The following FOXP1 variants were observed in gnomAD, a reference collection of about 807,000 sequenced individuals.
The protein encoded by FOXP1 is forkhead box protein P1.
In FOXP1, 15 loss-of-function variants were observed where a neutral mutation model predicts 98.2. The observed-to-expected ratio is 0.15, with a 90% CI of 0.10 to 0.24. FOXP1 has a LOEUF of 0.24. Ranked by LOEUF, FOXP1 falls within the 10% of genes least tolerant of loss-of-function variation. The pLI, the probability that FOXP1 is intolerant of heterozygous loss-of-function variation, is 1.00. For synonymous variants in FOXP1, 371 were observed against 314.5 expected (o/e 1.18, Z -1.90); for missense variants, 633 against 848.5 (o/e 0.75, Z 3.15).
intron 3 of FOXP1, among the ~76,000 whole-genome samples, chr3:71,363,390 A>C (rs2078704861): frequency 2.0e-5 from 3 of 152,242 alleles, no homozygotes; most frequent in Non-Finnish European, 4.4e-5. Flanking sequence ...ATGTCACTGC[A>C]TGCAACATTT....
chr3:71,114,477 T>C (rs1282598696), intron 6 of FOXP1, among the ~76,000 whole-genome samples: 1 of 152,176 alleles, frequency 6.6e-6, no homozygotes, highest in Non-Finnish European at 1.5e-5. Flanking sequence ...TTTAAGACAC[T>C]GCGTAAGGTT....
At chr3:71,499,395 T>TTATACACACACATAATATACGTATGTA (rs2041161368) in intron 2 of FOXP1, among the ~76,000 whole-genome samples, 3 of 152,234 alleles carry the variant, frequency 2.0e-5, no homozygotes, top group Non-Finnish European at 2.9e-5. Context: ...AATGGCAATT[T>TTATACACACACATAATATACGTATGTA]TATACACACA....
intron 5 of FOXP1, among the ~76,000 whole-genome samples, chr3:71,266,324 A>G (rs1387451211): frequency 6.6e-6 from 1 of 151,972 alleles, no homozygotes; most frequent in Non-Finnish European, 1.5e-5. Flanking sequence ...ATCTCAGCTC[A>G]CTGCAACCTC....
chr3:71,015,881 A>G (rs1219743051), intron 11 of FOXP1, among the ~76,000 whole-genome samples: 2 of 152,226 alleles, frequency 1.3e-5, no homozygotes, highest in East Asian at 1.9e-4. Flanking sequence ...ATGTACATCT[A>G]TGTATGAAAA....
chr3:71,060,023 A>G (rs2051255608), intron 7 of FOXP1, among the ~76,000 whole-genome samples: 1 of 152,198 alleles, frequency 6.6e-6, no homozygotes, highest in South Asian at 2.1e-4. Context: ...TCTTCTGTCT[A>G]AAGAAGATTT....
intron 6 of FOXP1, among the ~76,000 whole-genome samples, chr3:71,163,978 G>A (rs2061276414): frequency 6.6e-6 from 1 of 152,138 alleles, no homozygotes; most frequent in South Asian, 2.1e-4. Context: ...AGAAGATCAA[G>A]GGCTGAATGT....
intron 2 of FOXP1, among the ~76,000 whole-genome samples, chr3:71,541,255 TA>T (rs2044785241): frequency 6.6e-6 from 1 of 152,200 alleles, no homozygotes; most frequent in Non-Finnish European, 1.5e-5. Flanking sequence ...CAGTCCCTGT[TA>T]AAAGAGAAGA....
chr3:70,980,883 G>T (rs559582410), intron 14 of FOXP1, among the ~76,000 whole-genome samples: 2 of 152,114 alleles, frequency 1.3e-5, no homozygotes, highest in Non-Finnish European at 2.9e-5. Flanking sequence ...TATACTTCTC[G>T]GCTTCTCTTT....
At chr3:71,078,892 G>C (rs1043595713) in intron 7 of FOXP1, among the ~76,000 whole-genome samples, 1 of 152,066 alleles carries the variant, frequency 6.6e-6, no homozygotes, top group Non-Finnish European at 1.5e-5. Context: ...TGTGACCTTT[G>C]CTTCTCTTTC....
intron 19 of FOXP1, among the ~76,000 whole-genome samples, chr3:70,968,047 C>T (rs1179468878): frequency 6.6e-6 from 1 of 152,118 alleles, no homozygotes; most frequent in Non-Finnish European, 1.5e-5. Flanking sequence ...TTCTCTTTGG[C>T]TCTCAAAGTA....
In FOXP1 at chr3:70,958,205, A is replaced by T. The variant is rs1559555050; in HGVS notation, c.*1042T>A. On this transcript the variant is annotated 3_prime_UTR_variant, in exon 21 of 21. Transcript: ENST00000649528. ...TTATTAATGGTTGCTGCAAAAAAAA[A>T]AAAAGAAAAGAAAAGAAAAAAAGAA... 2.3e-5 allele frequency: 10 copies of T among 441,426 alleles called. No homozygotes were observed. The highest frequency in any genetic ancestry group is 1.3e-4 in the South Asian group (6 of 47,310). The allele number at this position is 441,426 out of a possible 1,614,324, so 27.3% of individuals were successfully genotyped here.
intron 8 of FOXP1, 135 bp from the exon 9 acceptor site, chr3:71,052,761 C>T (rs1449552121): frequency 1.1e-5 from 8 of 704,228 alleles, no homozygotes; most frequent in Admixed American, 2.0e-5. Context: ...GTTTGAAACT[C>T]GACAATAAAT....
chr3:71,099,621 G>A (rs190992887), intron 7 of FOXP1, among the ~76,000 whole-genome samples: 91 of 152,320 alleles, frequency 6.0e-4, no homozygotes, highest in Admixed American at 2.2e-3. Flanking sequence ...TTAGGTAGGT[G>A]AGGTTACCAG....
chr3:71,425,720 C>G (rs1280664161), intron 3 of FOXP1, among the ~76,000 whole-genome samples: 1 of 150,818 alleles, frequency 6.6e-6, no homozygotes, highest in Admixed American at 6.6e-5. Context: ...TTCATTTGGT[C>G]AAGGCAATCA....
chr3:71,020,334 G>T (rs1244302807), intron 11 of FOXP1, among the ~76,000 whole-genome samples: 1 of 152,038 alleles, frequency 6.6e-6, no homozygotes. Flanking sequence ...AGTTAAGTAG[G>T]ATATTTTGTT....
intron 3 of FOXP1, among the ~76,000 whole-genome samples, chr3:71,380,740 T>C (rs909607435): frequency 1.3e-5 from 2 of 149,518 alleles, no homozygotes; most frequent in African/African-American, 2.5e-5. Flanking sequence ...CTTATGGTAT[T>C]GTGTTTGCCT....
rs1377133912 is a variant in FOXP1 at position 71,324,788 on chromosome 3, AAATAC to A, written c.-72-24913_-72-24909del. ...AATAAAAACAAATAAATAAATAAAT[AAATAC>A]ATTAGTGTAAATTCAAAACAAATTA... On this transcript the variant is annotated intron_variant, in intron 4 of 20. Coordinates refer to ENST00000649528, the MANE Select transcript of FOXP1 (RefSeq NM_001349338.3). Among the ~76,000 whole-genome samples, 7 of 152,298 alleles carry A rather than the reference AAATAC, an allele frequency of 4.6e-5. No individual in the cohort carries two copies. The South Asian group carries it at 6.2e-4, about 14-fold the overall frequency.
intron 7 of FOXP1, among the ~76,000 whole-genome samples, chr3:71,093,999 A>G (rs1352073116): frequency 6.6e-6 from 1 of 152,110 alleles, no homozygotes; most frequent in Admixed American, 6.5e-5. Context: ...GTTTTTCCCT[A>G]TAAATTCAGT....
intron 7 of FOXP1, among the ~76,000 whole-genome samples, chr3:71,110,951 T>C (rs1211438628): frequency 9.2e-5 from 14 of 152,212 alleles, no homozygotes; most frequent in Admixed American, 9.2e-4. Context: ...AATAAGTGTT[T>C]ACAGAAGGGT....
Sources: allele counts gnomAD v4.1 joint callset (sites outside exome capture counted in the v4.1 genomes callset), GRCh38; gene constraint gnomAD v4.1.1; transcripts MANE v1.5; gene names NCBI Gene and HGNC (gene_info 2026-07-23, HGNC 2026-07-21).